VGLL1: variants seen among roughly 807,000 people sequenced by gnomAD.
VGLL1 encodes the protein transcription cofactor vestigial-like protein 1.
In VGLL1, 4 loss-of-function variants were observed where a neutral mutation model predicts 12.0. That is an observed-to-expected ratio of 0.33 (90% confidence interval 0.16 to 0.76). VGLL1 has a LOEUF of 0.76. Ranked by LOEUF, VGLL1 falls within the 30% of genes least tolerant of loss-of-function variation. The pLI is 0.60. For missense variants in VGLL1, 204 were observed against 208.7 expected, an observed-to-expected ratio of 0.98 and a Z score of 0.14; for synonymous variants, 87 against 81.2, an observed-to-expected ratio of 1.07 and a Z score of -0.39.
intron 1 of VGLL1, 45 bp from the exon 2 acceptor site, chrX:136,535,951 C>A: frequency 1.9e-6 from 2 of 1,080,054 alleles, no homozygotes; most frequent in Non-Finnish European, 2.5e-6. Flanking sequence ...CACAGCCAAG[C>A]CACTTGGTAA....
chrX:136,536,143 G>T lies in VGLL1; in HGVS notation c.123G>T (p.Val41=). Residue 41 remains valine, a synonymous_variant, in exon 2 of 5, where the codon GTG becomes GTT. Coordinates refer to ENST00000370634, the MANE Select transcript of VGLL1 (RefSeq NM_016267.4). The part of the protein sequence containing the change: ...TYFQGDISSV[V]DEHFSRALSN... Reference sequence around the variant, plus strand: ...TCCAAGGGGACATCAGCAGCGTAGTGGATGAACACTTCTCCAGAGCTCTGA... The same window carrying T: ...TCCAAGGGGACATCAGCAGCGTAGTTGATGAACACTTCTCCAGAGCTCTGA... 1 of 1,211,457 alleles carries T rather than the reference G, an allele frequency of 8.3e-7. No individual in the cohort carries two copies. The highest frequency in any genetic ancestry group is 1.1e-6 in the Non-Finnish European group (1 of 895,420).
rs1390244232 is a variant in VGLL1 at position 136,536,194 on chromosome X, G to T, written c.174G>T (p.Leu58Phe). Residue 58 changes from leucine (L) to phenylalanine (F), a missense_variant, in exon 2 of 5, where the codon TTG becomes TTT. Coordinates refer to ENST00000370634, the MANE Select transcript of VGLL1 (RefSeq NM_016267.4). Reference sequence around the variant, plus strand: ...GCAATATCAAGAGCCCCCAGGAATTGACCCCCTCGAGTCAGAGTGAAGGTG... The same window carrying T: ...GCAATATCAAGAGCCCCCAGGAATTTACCCCCTCGAGTCAGAGTGAAGGTG... ...ALSNIKSPQE[L>F]TPSSQSEGVM... 4.1e-6 allele frequency: 5 copies of T among 1,208,948 alleles called. No homozygotes were observed. The East Asian group carries it at 1.5e-4, about 36-fold the overall frequency.
At chrX:136,535,900 G>T in intron 1 of VGLL1, 96 bp from the exon 2 acceptor site, 1 of 692,649 alleles carries the variant, frequency 1.4e-6, no homozygotes, top group Non-Finnish European at 2.2e-6. Flanking sequence ...GTACCTGGTG[G>T]GAGCAAATTG....
Position 136,543,760 on chromosome X carries a change from CAA to C in VGLL1, c.215-4817_215-4816del, listed in dbSNP as rs10712246. Among the ~76,000 whole-genome samples, 113 of 92,737 alleles carry C rather than the reference CAA, an allele frequency of 1.2e-3. 1 individual carries two copies. The highest frequency in any genetic ancestry group is 1.6e-3 in the Admixed American group (13 of 8,342). 80.5% of individuals were successfully genotyped at this position (92,737 alleles called of 115,157 possible). A position where few individuals can be genotyped will look rare whatever the true frequency, so the allele number is the denominator to read the frequency against. On this transcript the variant is annotated intron_variant, in intron 2 of 4. Transcript: ENST00000370634. ...AGCCTGGGAGACAGTGAGACCCTGT[CAA>C]AAAAAAAAAAATCCCACAGAATTTG...
At chrX:136,532,599 TTCTTTCTTTCTTTC>T (rs1299886645) in intron 1 of VGLL1, among the ~76,000 whole-genome samples, 91 of 81,028 alleles carry the variant, frequency 1.1e-3, no homozygotes, top group African/African-American at 3.9e-3. Flanking sequence ...CTTTCTTTCT[TTCTTTCTTTCTTTC>T]TTTCTTTCTT....
intron 3 of VGLL1, 188 bp from the exon 4 acceptor site, chrX:136,550,580 T>C (rs1046591720): frequency 2.6e-6 from 1 of 384,998 alleles, no homozygotes; most frequent in Non-Finnish European, 4.5e-6. Flanking sequence ...TCAGGAACAC[T>C]GCCTTGGAAG....
At chrX:136,552,959 G>T (rs2063095221) in intron 4 of VGLL1, among the ~76,000 whole-genome samples, 1 of 111,773 alleles carries the variant, frequency 8.9e-6, no homozygotes, top group Admixed American at 9.4e-5. Flanking sequence ...AAAGAGCAAA[G>T]AAAAATATAC....
At chrX:136,535,223 G>C (rs771830335) in intron 1 of VGLL1, among the ~76,000 whole-genome samples, 2 of 111,991 alleles carry the variant, frequency 1.8e-5, no homozygotes, top group Non-Finnish European at 3.8e-5. Flanking sequence ...CACAGCTATT[G>C]AGCATCTACT....
chrX:136,554,842 C>G (rs1236884863), intron 4 of VGLL1, among the ~76,000 whole-genome samples: 2 of 112,498 alleles, frequency 1.8e-5, no homozygotes, highest in Non-Finnish European at 3.8e-5. Context: ...CATGTCAATT[C>G]TGAGGTGCCT....
At chrX:136,536,983 A>G (rs2075841588) in intron 2 of VGLL1, among the ~76,000 whole-genome samples, 1 of 112,794 alleles carries the variant, frequency 8.9e-6, no homozygotes, top group Non-Finnish European at 1.9e-5. Context: ...ATGTTATGAT[A>G]GTTTTTAAAT....
At chrX:136,533,608 T>C (rs2075831902) in intron 1 of VGLL1, among the ~76,000 whole-genome samples, 2 of 111,754 alleles carry the variant, frequency 1.8e-5, no homozygotes, top group African/African-American at 6.5e-5. Flanking sequence ...CCAAAGTTGT[T>C]CACTGGCCCT....
intron 2 of VGLL1, among the ~76,000 whole-genome samples, chrX:136,542,340 T>C (rs990567884): frequency 7.1e-5 from 8 of 112,308 alleles, no homozygotes; most frequent in Non-Finnish European, 9.4e-5. Context: ...CAAACATATA[T>C]GGAGCTTCCA....
At chrX:136,546,467 T>G (rs2075869933) in intron 2 of VGLL1, among the ~76,000 whole-genome samples, 1 of 112,361 alleles carries the variant, frequency 8.9e-6, no homozygotes, top group Admixed American at 9.4e-5. Context: ...GGACACCCTG[T>G]GCGTGCCCAT....
chrX:136,556,000 A>G (rs1351629953), intron 4 of VGLL1, among the ~76,000 whole-genome samples: 4 of 111,168 alleles, frequency 3.6e-5, no homozygotes, highest in African/African-American at 1.3e-4. Flanking sequence ...TGAAGGATAG[A>G]GAATAAGGAA....
intron 2 of VGLL1, among the ~76,000 whole-genome samples, chrX:136,537,407 G>A (rs1273003165): frequency 2.7e-5 from 3 of 110,629 alleles, no homozygotes; most frequent in African/African-American, 9.9e-5. Flanking sequence ...ACTGGAAAAA[G>A]AAAAAAAGAA....
chrX:136,540,752 G>A (rs1382296861), intron 2 of VGLL1, among the ~76,000 whole-genome samples: 1 of 111,501 alleles, frequency 9.0e-6, no homozygotes, highest in South Asian at 3.8e-4. Flanking sequence ...CGGCTTGAAC[G>A]AATGAAATTA....
At chrX:136,533,912 T>G (rs775437426) in intron 1 of VGLL1, among the ~76,000 whole-genome samples, 3 of 112,358 alleles carry the variant, frequency 2.7e-5, no homozygotes, top group Non-Finnish European at 3.8e-5. Flanking sequence ...GGCAGTCTAT[T>G]TCACCTTCTT....
At chrX:136,533,603 G>GT (rs2075831884) in intron 1 of VGLL1, among the ~76,000 whole-genome samples, 1 of 111,902 alleles carries the variant, frequency 8.9e-6, no homozygotes, top group African/African-American at 3.3e-5. Flanking sequence ...GTCCTCCAAA[G>GT]TTGTTCACTG....
intron 2 of VGLL1, among the ~76,000 whole-genome samples, chrX:136,541,289 G>T (rs1026865487): frequency 4.5e-5 from 5 of 112,345 alleles, no homozygotes; most frequent in Admixed American, 9.4e-5. Context: ...GAGGTGGCTT[G>T]GTTCTCCATC....
Sources: gnomAD v4.1 joint callset for allele counts (sites outside exome capture counted in the v4.1 genomes callset) on GRCh38, gnomAD v4.1.1 for gene constraint, MANE v1.5 for transcripts, NCBI Gene and HGNC (gene_info 2026-07-23, HGNC 2026-07-21) for gene names.